The following PAPPA2 variants were observed in gnomAD, a reference collection of about 807,000 sequenced individuals.
The protein encoded by PAPPA2 is pappalysin 2.
In PAPPA2, 86 loss-of-function variants were observed where a neutral mutation model predicts 176.4. That is an observed-to-expected ratio of 0.49 (90% CI 0.41 to 0.58). The LOEUF (loss-of-function observed/expected upper bound fraction) is 0.58. Among genes scored for constraint, PAPPA2 ranks in the 20% least tolerant of loss-of-function variants. The probability of loss-of-function intolerance (pLI) is 0.00; values close to 1 mark genes in which losing one functional copy is unlikely to be tolerated. For synonymous variants in PAPPA2, 809 were observed against 852.2 expected (o/e 0.95, Z 0.88); for missense variants, 2,073 against 2,256.9 (o/e 0.92, Z 1.65).
intron 17 of PAPPA2, among the ~76,000 whole-genome samples, chr1:176,783,199 C>T (rs1433443342): frequency 6.6e-6 from 1 of 152,122 alleles, no homozygotes; most frequent in Non-Finnish European, 1.5e-5. Context: ...TGTATATTTT[C>T]CTATACAATA....
At chr1:176,487,996 GT>G (rs1445121668) in intron 1 of PAPPA2, among the ~76,000 whole-genome samples, 1 of 152,114 alleles carries the variant, frequency 6.6e-6, no homozygotes, top group Admixed American at 6.5e-5. Flanking sequence ...GGAATGGGCT[GT>G]TTTTAAATTC....
intron 3 of PAPPA2, among the ~76,000 whole-genome samples, chr1:176,623,627 T>TTTTCTTTCTTTC (rs1558479113): frequency 1.2e-4 from 10 of 81,902 alleles, no homozygotes; most frequent in African/African-American, 4.6e-4. Context: ...TCCTTCCTTT[T>TTTTCTTTCTTTC]TTACTTTCTT....
intron 2 of PAPPA2, among the ~76,000 whole-genome samples, chr1:176,559,541 G>A (rs951307235): frequency 6.6e-6 from 1 of 152,186 alleles, no homozygotes; most frequent in African/African-American, 2.4e-5. Flanking sequence ...CACTTCACCT[G>A]TGCTCTCCAT....
At chr1:176,682,050 C>T (rs1558516167) in intron 4 of PAPPA2, among the ~76,000 whole-genome samples, 1 of 152,176 alleles carries the variant, frequency 6.6e-6, no homozygotes, top group Non-Finnish European at 1.5e-5. Context: ...AGGGGGTCTT[C>T]CAGGACAGCC....
At chr1:176,613,471 C>T (rs1197382870) in intron 3 of PAPPA2, among the ~76,000 whole-genome samples, 1 of 152,178 alleles carries the variant, frequency 6.6e-6, no homozygotes, top group African/African-American at 2.4e-5. Context: ...GTTTGTTTCC[C>T]CACTGCACTG....
intron 4 of PAPPA2, among the ~76,000 whole-genome samples, chr1:176,681,147 C>T (rs576120633): frequency 6.6e-6 from 1 of 152,094 alleles, no homozygotes; most frequent in South Asian, 2.1e-4. Flanking sequence ...TGAGAAAGTC[C>T]CCTGGGGTCC....
At chr1:176,759,794 A>G (rs141962942) in intron 14 of PAPPA2, among the ~76,000 whole-genome samples, 71 of 152,300 alleles carry the variant, frequency 4.7e-4, no homozygotes, top group South Asian at 1.9e-3. Context: ...TGGCCACTCT[A>G]TCTGCAAATA....
chr1:176,785,778 A>C (rs1488979029), intron 17 of PAPPA2, among the ~76,000 whole-genome samples: 1 of 152,070 alleles, frequency 6.6e-6, no homozygotes, highest in East Asian at 1.9e-4. Flanking sequence ...CTCACCCCTG[A>C]GGTTATTAAA....
intron 2 of PAPPA2, among the ~76,000 whole-genome samples, chr1:176,559,510 C>T (rs1180388709): frequency 6.6e-6 from 1 of 152,216 alleles, no homozygotes; most frequent in African/African-American, 2.4e-5. Flanking sequence ...TCCTTGTGTA[C>T]TCACTGTGCT....
At chr1:176,830,297 G>T (rs761872367) in intron 21 of PAPPA2, among the ~76,000 whole-genome samples, 1 of 152,198 alleles carries the variant, frequency 6.6e-6, no homozygotes, top group Non-Finnish European at 1.5e-5. Flanking sequence ...TGAAATACAA[G>T]AACTGTTTTG....
In PAPPA2 at chr1:176,695,779, C is replaced by A. The variant is rs780838197; in HGVS notation, c.2666C>A (p.Thr889Asn). 3.7e-6 allele frequency: 6 copies of A among 1,613,960 alleles called. No individual in the cohort carries two copies. Among genetic ancestry groups the A allele is most frequent in the Non-Finnish European group, 5.1e-6 (6 of 1,180,004 alleles). Residue 889 changes from threonine to asparagine, a missense_variant, in exon 7 of 23, where the codon ACC becomes AAC. By Grantham distance (65) the Thr-to-Asn change is moderately conservative. This residue lies in a region of PAPPA2 where 1,196 missense variants were observed against 1,330.4 expected (regional missense o/e 0.90). Transcript: ENST00000367662. ...TGTGGCGCTTGCACTGAAGATGGGACCTTTCGTCAGTATGTGCACACAGCT... is the reference window on the plus strand; with the variant it reads ...TGTGGCGCTTGCACTGAAGATGGGAACTTTCGTCAGTATGTGCACACAGCT... ...SLCGACTEDG[T>N]FRQYVHTASS...
At chr1:176,779,397 A>C (rs1224299269) in intron 17 of PAPPA2, among the ~76,000 whole-genome samples, 2 of 151,572 alleles carry the variant, frequency 1.3e-5, no homozygotes, top group African/African-American at 4.8e-5. Flanking sequence ...CTGTCTCCTG[A>C]GGGATTCTGG....
At chr1:176,474,281 G>C (rs1373161580) in intron 1 of PAPPA2, among the ~76,000 whole-genome samples, 1 of 152,102 alleles carries the variant, frequency 6.6e-6, no homozygotes, top group Non-Finnish European at 1.5e-5. Flanking sequence ...GATGAAGGCT[G>C]TATTATTTTT....
At chr1:176,686,173 G>A (rs1303677643) in intron 4 of PAPPA2, among the ~76,000 whole-genome samples, 1 of 152,134 alleles carries the variant, frequency 6.6e-6, no homozygotes, top group Non-Finnish European at 1.5e-5. Flanking sequence ...CCGTTCTCAC[G>A]CTGCTTTGAA....
intron 3 of PAPPA2, among the ~76,000 whole-genome samples, chr1:176,634,926 G>C (rs1656594237): frequency 6.6e-6 from 1 of 150,886 alleles, no homozygotes; most frequent in Non-Finnish European, 1.5e-5. Context: ...GATAGATGAT[G>C]ATGATGATGA....
intron 21 of PAPPA2, among the ~76,000 whole-genome samples, chr1:176,837,165 T>C (rs895424888): frequency 2.0e-5 from 3 of 152,194 alleles, no homozygotes; most frequent in African/African-American, 7.2e-5. Context: ...TATTTGTCCA[T>C]TTCATCTGCC....
At chr1:176,776,330 A>G (rs1432544334) in intron 17 of PAPPA2, among the ~76,000 whole-genome samples, 2 of 152,268 alleles carry the variant, frequency 1.3e-5, no homozygotes, top group East Asian at 1.9e-4. Context: ...CTCTGTTTCT[A>G]TAAGTCACTC....
intron 3 of PAPPA2, among the ~76,000 whole-genome samples, chr1:176,661,535 C>A (rs1658361564): frequency 1.3e-5 from 2 of 149,888 alleles, no homozygotes; most frequent in African/African-American, 2.5e-5. Flanking sequence ...TCATGCTGTG[C>A]CTACTAGATC....
At position 176,698,973 on chromosome 1, in the gene PAPPA2, G is replaced by A; in HGVS notation, c.2747-127G>A. ...TAGTACTTAAGATCTAACCTGCTAA[G>A]ATGACCAACTTCTACAGGAATTCTA... On this transcript the variant is annotated intron_variant, in intron 7 of 22. Transcript: ENST00000367662. 5.5e-6 allele frequency: 7 copies of A among 1,264,768 alleles called. 1 individual carries two copies. In the South Asian group the frequency reaches 1.0e-4, roughly 18 times the overall value. The allele number at this position is 1,264,768 out of a possible 1,614,324, so 78.3% of individuals were successfully genotyped here. A position where few individuals can be genotyped will look rare whatever the true frequency, so the allele number is the denominator to read the frequency against.
Sources: gnomAD v4.1 joint callset for allele counts (sites outside exome capture counted in the v4.1 genomes callset) on GRCh38, gnomAD v4.1.1 for gene constraint, gnomAD v4.1.1 regional missense constraint, MANE v1.5 for transcripts, NCBI Gene and HGNC (gene_info 2026-07-23, HGNC 2026-07-21) for gene names.